The following ZP2 variants were observed in gnomAD, a reference collection of about 807,000 sequenced individuals.
The protein encoded by ZP2 is zona pellucida sperm-binding protein 2.
A neutral mutation model predicts 84.0 loss-of-function variants in ZP2; 51 were observed. The ratio of observed to expected loss-of-function variants is 0.61; its 90% CI spans 0.49 to 0.77. The LOEUF (loss-of-function observed/expected upper bound fraction) is 0.77, where lower values mean the gene tolerates loss of function less well. Among genes scored for constraint, ZP2 ranks in the 30% least tolerant of loss-of-function variants. The probability of loss-of-function intolerance (pLI) is 0.00; values close to 1 mark genes in which losing one functional copy is unlikely to be tolerated. For missense variants in ZP2, 909 were observed against 911.9 expected (o/e 1.00, Z 0.04); for synonymous variants, 375 against 330.9 (o/e 1.13, Z -1.45).
At chr16:21,198,726 A>C in intron 17 of ZP2, 53 bp downstream of exon 17, 1 of 1,525,350 alleles carries the variant, frequency 6.6e-7, no homozygotes, top group Non-Finnish European at 9.1e-7. Flanking sequence ...ACCGCTTGGC[A>C]TAAAAAGCTA....
At position 21,205,717 on chromosome 16, in the gene ZP2, A is replaced by G. The variant is rs1279546055; in HGVS notation, c.528+14T>C. 15 of 1,613,896 alleles carry G rather than the reference A, an allele frequency of 9.3e-6. No homozygotes were observed. The South Asian group carries it at 1.3e-4, about 14-fold the overall frequency. On this transcript the variant is annotated intron_variant, in intron 6 of 18. Transcript: ENST00000574091. ...AAGGTTATTAAGGTCTGATTTTTAA[A>G]ATTTGCTTCATACCTTACTGTCGTC...
chr16:21,204,364 G>A lies in ZP2; in HGVS notation c.734C>T (p.Thr245Ile). 2 of 1,614,106 alleles carry A rather than the reference G, an allele frequency of 1.2e-6. No homozygotes were observed. The highest frequency in any genetic ancestry group is 2.2e-5 in the East Asian group (1 of 44,890). Reference protein sequence around the residue: ...SHLYMVSLKLTFISPGQKVIF... With the variant: ...SHLYMVSLKLIFISPGQKVIF... ...CACCTTCTGTCCAGGAGATATAAAT[G>A]TAAGCTTCAGAGACACCATGTAGAG... is the stretch of plus-strand genomic sequence containing the variant. The change falls in exon 8 of 19, where the codon ACA (threonine) becomes ATA (isoleucine). Residue 245 changes from threonine to isoleucine, a missense_variant. Physicochemically the swap from Thr to Ile is moderately conservative, Grantham distance 89 (BLOSUM62 -1). Coordinates refer to ENST00000574091, the MANE Select transcript of ZP2 (RefSeq NM_001376232.1).
chr16:21,211,871 A>G, upstream of ZP2: 1 of 981,848 alleles, frequency 1.0e-6, no homozygotes, highest in Non-Finnish European at 1.4e-6. Flanking sequence ...TGCAATGTAG[A>G]GCCAAAGAGA....
chr16:21,203,036 T>A, intron 10 of ZP2, 89 bp downstream of exon 10: 6 of 1,485,204 alleles, frequency 4.0e-6, no homozygotes, highest in Non-Finnish European at 5.5e-6. Context: ...AAGCAATAGA[T>A]CAGAATCTGA....
At position 21,204,098 on chromosome 16, in the gene ZP2, T is replaced by G. The variant is rs957487726; in HGVS notation, c.904A>C (p.Asn302His). ...QNIDVSQLHD[N>H]GIDLEATNGM... is the part of the protein sequence containing the mutation. Reference sequence around the variant, plus strand: ...TTTGTTGCTTCTAGATCAATTCCATTGTCATGCAGCTGGCTCACATCAATG... The same window carrying G: ...TTTGTTGCTTCTAGATCAATTCCATGGTCATGCAGCTGGCTCACATCAATG... Residue 302 changes from asparagine to histidine, a missense_variant, in exon 9 of 19, where the codon AAT becomes CAT. Asn to His is a moderately conservative substitution (Grantham distance 68, BLOSUM62 1). Transcript: ENST00000574091. 2 of 1,614,208 alleles carry G rather than the reference T, an allele frequency of 1.2e-6. No individual in the cohort carries two copies. Among genetic ancestry groups the G allele is most frequent in the Non-Finnish European group, 1.7e-6 (2 of 1,180,028 alleles).
Position 21,211,348 on chromosome 16 carries a change from T to C in ZP2, c.110A>G (p.Asn37Ser). ...TACCAACTGAGAAACATCTATGGAGTTCCCTGAAGTCACAAGGGCGAAGAA... is the reference window on the plus strand; with the variant it reads ...TACCAACTGAGAAACATCTATGGAGCTCCCTGAAGTCACAAGGGCGAAGAA... ...SLFFALVTSG[N>S]SIDVSQLVNP... is the part of the protein sequence containing the mutation. The change falls in exon 2 of 19, where the codon AAC (asparagine) becomes AGC (serine). Residue 37 changes from asparagine (N) to serine (S), a missense_variant. Physicochemically the swap from Asn to Ser is conservative, Grantham distance 46. Coordinates refer to ENST00000574091, the MANE Select transcript of ZP2 (RefSeq NM_001376232.1). The C allele has an allele frequency of 6.2e-7, 1 of 1,613,882 alleles. No homozygotes were observed. Among genetic ancestry groups the C allele is most frequent in the Non-Finnish European group, 8.5e-7 (1 of 1,179,964 alleles).
chr16:21,198,920 G>A, intron 16 of ZP2, 58 bp from the exon 17 acceptor site: 1 of 1,444,680 alleles, frequency 6.9e-7, no homozygotes, highest in Non-Finnish European at 9.7e-7. Context: ...CGAGAGGTGT[G>A]TCAATGGAAT....
In ZP2 at chr16:21,198,974, T is replaced by TA. The variant is rs1277298294; in HGVS notation, c.1928-113_1928-112insT. Reference sequence around the variant, plus strand: ...TCTGGAGTATTTTGTTCATGTGGTTTGTCTTGCCTTTGCAGGCGAGGTTAT... The same window carrying TA: ...TCTGGAGTATTTTGTTCATGTGGTTTAGTCTTGCCTTTGCAGGCGAGGTTAT... On this transcript the variant is annotated intron_variant, in intron 16 of 18. Coordinates refer to ENST00000574091, the MANE Select transcript of ZP2 (RefSeq NM_001376232.1). The TA allele has an allele frequency of 5.9e-6, 6 of 1,009,806 alleles. No individual in the cohort carries two copies. In the Admixed American group the frequency reaches 9.9e-5, roughly 17 times the overall value. The allele number at this position is 1,009,806 out of a possible 1,614,324, so 62.6% of individuals were successfully genotyped here. A position where few individuals can be genotyped will look rare whatever the true frequency, so the allele number is the denominator to read the frequency against.
intron 14 of ZP2, among the ~76,000 whole-genome samples, chr16:21,200,093 G>C (rs901579744): frequency 6.6e-6 from 1 of 152,154 alleles, no homozygotes; most frequent in African/African-American, 2.4e-5. Flanking sequence ...TATTTTAGCA[G>C]TACCTGTTTG....
chr16:21,201,634 C>G, intron 13 of ZP2, 72 bp downstream of exon 13: 1 of 1,610,044 alleles, frequency 6.2e-7, no homozygotes, highest in Non-Finnish European at 8.5e-7. Context: ...ATTAGTCTGG[C>G]AGTATCAGGA....
intron 14 of ZP2, 151 bp downstream of exon 14, chr16:21,201,217 AC>A (rs1252050476): frequency 6.3e-6 from 4 of 632,006 alleles, no homozygotes; most frequent in Non-Finnish European, 9.5e-6. Context: ...AAAAAAAAAA[AC>A]AGAAGGCAGA....
chr16:21,211,282 G>C (rs765779432), intron 2 of ZP2, 25 bp downstream of exon 2: 10 of 1,606,752 alleles, frequency 6.2e-6, no homozygotes, highest in Non-Finnish European at 7.7e-6. Flanking sequence ...CTGCTAAGAA[G>C]ACTTCTGTCA....
At position 21,205,431 on chromosome 16, in the gene ZP2, T is replaced by G; in HGVS notation, c.682A>C (p.Thr228Pro). The G allele has an allele frequency of 6.2e-7, 1 of 1,613,988 alleles. No homozygotes were observed. Among genetic ancestry groups the G allele is most frequent in the Non-Finnish European group, 8.5e-7 (1 of 1,179,998 alleles). ...FHVPFNATGV[T>P]HYVQGNSHLY... ...ACTTCCACACCTACCACATAGTGAG[T>G]CACTCCAGTGGCATTGAATGGCACA... The change falls in exon 7 of 19, where the codon ACT (threonine) becomes CCT (proline). Residue 228 changes from threonine (T) to proline (P), a missense_variant. Thr to Pro is a conservative substitution (Grantham distance 38, BLOSUM62 -1). Coordinates refer to ENST00000574091, the MANE Select transcript of ZP2 (RefSeq NM_001376232.1).
chr16:21,202,811 G>T (rs917382103), intron 10 of ZP2, among the ~76,000 whole-genome samples: 12 of 151,716 alleles, frequency 7.9e-5, no homozygotes, highest in Non-Finnish European at 1.8e-4. Context: ...TTTTGGGGTG[G>T]GGGGGTACTT....
chr16:21,199,431 A>C (rs1293818356), intron 16 of ZP2, 139 bp downstream of exon 16: 9 of 689,536 alleles, frequency 1.3e-5, no homozygotes, highest in African/African-American at 1.8e-5. Flanking sequence ...GGTAGACTGG[A>C]CCAAGTTTTG....
rs775595040 is a variant in ZP2, at chr16:21,205,425, A to G, written c.688T>C (p.Tyr230His). 2.5e-6 allele frequency: 4 copies of G among 1,613,906 alleles called. No homozygotes were observed. The highest frequency in any genetic ancestry group is 3.4e-6 in the Non-Finnish European group (4 of 1,179,978). ...AGCCAGACTTCCACACCTACCACAT[A>G]GTGAGTCACTCCAGTGGCATTGAAT... is the stretch of plus-strand genomic sequence containing the variant. Reference protein sequence around the residue: ...VPFNATGVTHYVQGNSHLYMV... With the variant: ...VPFNATGVTHHVQGNSHLYMV... Residue 230 changes from tyrosine to histidine, a missense_variant, in exon 7 of 19, where the codon TAT (tyrosine) becomes CAT (histidine). By Grantham distance (83) the Tyr-to-His change is moderately conservative. Transcript: ENST00000574091.
At chr16:21,200,589 ATG>A (rs1253262285) in intron 14 of ZP2, among the ~76,000 whole-genome samples, 1 of 152,218 alleles carries the variant, frequency 6.6e-6, no homozygotes, top group East Asian at 1.9e-4. Context: ...TTGAACACCT[ATG>A]TGTACAAGTG....
At position 21,202,006 on chromosome 16, in the gene ZP2, G is replaced by A. The variant is rs768429680; in HGVS notation, c.1305C>T (p.Val435=). 26 of 1,613,844 alleles carry A rather than the reference G, an allele frequency of 1.6e-5. No homozygotes were observed. In the Admixed American group the frequency reaches 1.8e-4, roughly 11 times the overall value. Residue 435 remains valine, a synonymous_variant, in exon 12 of 19, where the codon GTC becomes GTT. Coordinates refer to ENST00000574091, the MANE Select transcript of ZP2 (RefSeq NM_001376232.1). ...GAGCATGTATTTCGTTTTCATAGAC[G>A]ACTTTATCATCTTCGAACTTAAATG... is the stretch of plus-strand genomic sequence containing the variant. ...GTRYKFEDDK[V]VYENEIHALW... is the part of the protein sequence containing the mutation.
intron 9 of ZP2, 148 bp from the exon 10 acceptor site, chr16:21,203,399 T>A: frequency 9.9e-7 from 1 of 1,011,372 alleles, no homozygotes; most frequent in South Asian, 1.6e-5. Context: ...AGAGACCCTA[T>A]CACTTCCTCA....
Sources: gnomAD v4.1 joint callset for allele counts (sites outside exome capture counted in the v4.1 genomes callset) on GRCh38, gnomAD v4.1.1 for gene constraint, MANE v1.5 for transcripts, NCBI Gene and HGNC (gene_info 2026-07-23, HGNC 2026-07-21) for gene names.